Variants in NPIPB2 observed in about 807,000 individuals in gnomAD.
NPIPB2 encodes the protein nuclear pore complex-interacting protein family member B2.
Under a neutral mutation model 30.8 loss-of-function variants are expected in NPIPB2, and 27 were observed. The ratio of observed to expected loss-of-function variants is 0.88; its 90% confidence interval spans 0.65 to 1.21. The LOEUF (loss-of-function observed/expected upper bound fraction) is 1.21, where lower values mean the gene tolerates loss of function less well. Among genes scored for constraint, NPIPB2 ranks in the 50% most tolerant of loss-of-function variants. The pLI is 0.00. For missense variants in NPIPB2, 440 were observed against 446.2 expected (o/e 0.99, Z 0.13); for synonymous variants, 147 against 162.0 (o/e 0.91, Z 0.70).
chr16:11,945,537 G>T (rs547014016), upstream of NPIPB2, among the ~76,000 whole-genome samples: 10 of 152,092 alleles, frequency 6.6e-5, no homozygotes, highest in South Asian at 1.9e-3. Context: ...AATTAGCCAG[G>T]TGTGGTGGTA....
chr16:11,966,441 A>G (rs1417854011), intron 1 of NPIPB2: 4 of 1,245,628 alleles, frequency 3.2e-6, no homozygotes, highest in Non-Finnish European at 4.5e-6. Flanking sequence ...TCACTTCGTT[A>G]CAGCCCTTTC....
chr16:11,973,408 G>A (rs1185706536), intron 1 of NPIPB2, among the ~76,000 whole-genome samples: 1 of 152,064 alleles, frequency 6.6e-6, no homozygotes, highest in African/African-American at 2.4e-5. Context: ...TGGGGGCCAA[G>A]GGGAAAACTT....
chr16:11,947,376 G>A (rs904359266), intron 1 of NPIPB2, among the ~76,000 whole-genome samples: 3 of 147,904 alleles, frequency 2.0e-5, no homozygotes, highest in East Asian at 2.0e-4. Flanking sequence ...ATGGAGTCTC[G>A]CTCTGTCGCC....
chr16:11,932,537 G>A (rs1194253695), intron 4 of NPIPB2, among the ~76,000 whole-genome samples: 1 of 151,574 alleles, frequency 6.6e-6, no homozygotes, highest in Non-Finnish European at 1.5e-5. Flanking sequence ...CAGCACATTG[G>A]GAGGCCGAGG....
rs1555509075 is a variant in NPIPB2 at position 11,947,322 on chromosome 16, T to TTATATA, written c.-583-5214_-583-5209dup. Among the ~76,000 whole-genome samples the TTATATA allele has an allele frequency of 1.2e-3, 147 of 119,944 alleles. 1 individual carries two copies. Among genetic ancestry groups the TTATATA allele is most frequent in the Admixed American group, 1.8e-3 (21 of 11,944 alleles). The allele number at this position is 119,944 out of a possible 152,430, so 78.7% of individuals were successfully genotyped here. On this transcript the variant is annotated intron_variant, in intron 1 of 5. Coordinates refer to the NPIPB2 transcript ENST00000538896. ...TTTATTTATTTATTTATTTATTTAT[T>TTATATA]TATATATATATATATTTATTTATTT...
At chr16:11,956,023 G>C (rs1048059047) in intron 1 of NPIPB2, 5 of 152,082 alleles carry the variant, frequency 3.3e-5, no homozygotes, top group Non-Finnish European at 5.9e-5. Context: ...ACTTATTTTT[G>C]ATTCATTCCA....
chr16:11,947,530 G>C (rs1313324747), intron 1 of NPIPB2, among the ~76,000 whole-genome samples: 1 of 151,388 alleles, frequency 6.6e-6, no homozygotes, highest in East Asian at 1.9e-4. Flanking sequence ...ACTTTTAGTA[G>C]AGACGGGGTT....
chr16:11,960,405 A>T (rs1293040603), intron 1 of NPIPB2, among the ~76,000 whole-genome samples: 1 of 134,026 alleles, frequency 7.5e-6, no homozygotes, highest in Non-Finnish European at 1.5e-5. Context: ...CCCACGCTGG[A>T]GTGTGCAGTG....
At chr16:11,941,182 T>A (rs1189005895) in intron 1 of NPIPB2, 11 of 1,510,592 alleles carry the variant, frequency 7.3e-6, no homozygotes, top group Admixed American at 4.1e-5. Flanking sequence ...GGTGGACTGA[T>A]GGCTGATAAA....
chr16:11,961,935 TAC>T (rs1057495343), intron 1 of NPIPB2, among the ~76,000 whole-genome samples: 1 of 151,218 alleles, frequency 6.6e-6, no homozygotes, highest in Non-Finnish European at 1.5e-5. Flanking sequence ...CACTGTGGCT[TAC>T]ACATGTAATC....
At chr16:11,944,703 C>T (rs1441310476), upstream of NPIPB2, among the ~76,000 whole-genome samples, 8 of 104,894 alleles carry the variant, frequency 7.6e-5, no homozygotes, top group South Asian at 2.4e-3. Flanking sequence ...ATGGAGTTTG[C>T]AGTAAGCAGA....
At chr16:11,942,384 T>C (rs1371356085), upstream of NPIPB2, among the ~76,000 whole-genome samples, 1 of 149,866 alleles carries the variant, frequency 6.7e-6, no homozygotes, top group Non-Finnish European at 1.5e-5. Context: ...TTCAACTCAA[T>C]GATGAGATCA....
intron 1 of NPIPB2, among the ~76,000 whole-genome samples, chr16:11,951,183 G>A (rs182400753): frequency 4.6e-5 from 7 of 152,008 alleles, no homozygotes; most frequent in African/African-American, 1.7e-4. Flanking sequence ...TCGGCCGGGC[G>A]CAGTGGCTCA....
chr16:11,943,870 C>A (rs1020087421), upstream of NPIPB2, among the ~76,000 whole-genome samples: 1 of 149,950 alleles, frequency 6.7e-6, no homozygotes, highest in South Asian at 2.1e-4. Context: ...TGGTGGCGGG[C>A]GCCTGTAATC....
chr16:11,963,631 T>C (rs1024818487), intron 1 of NPIPB2, among the ~76,000 whole-genome samples: 2 of 152,216 alleles, frequency 1.3e-5, no homozygotes, highest in African/African-American at 4.8e-5. Context: ...ACCTCAGAGA[T>C]AATCACTATA....
exon 2 of NPIPB2, chr16:11,937,585 C>T (rs1390706011): frequency 1.3e-5 from 21 of 1,599,348 alleles, no homozygotes; most frequent in East Asian, 2.2e-5. Context: ...TATAACTTCT[C>T]GGAAATGCAA....
intron 1 of NPIPB2, among the ~76,000 whole-genome samples, chr16:11,959,830 G>A (rs1394617825): frequency 6.6e-6 from 1 of 152,040 alleles, no homozygotes; most frequent in African/African-American, 2.4e-5. Context: ...CTGAAGTGCA[G>A]TAGCACACAA....
intron 1 of NPIPB2, among the ~76,000 whole-genome samples, chr16:11,958,837 G>C (rs2150934090): frequency 6.6e-6 from 1 of 152,186 alleles, no homozygotes; most frequent in East Asian, 1.9e-4. Context: ...AGCTACCATG[G>C]GTGAGTGTTA....
chr16:11,973,255 C>T (rs893158186), intron 1 of NPIPB2, among the ~76,000 whole-genome samples: 1 of 151,612 alleles, frequency 6.6e-6, no homozygotes, highest in African/African-American at 2.4e-5. Context: ...CATTTCCCAT[C>T]ATGGCCTGAA....
Sources: gnomAD v4.1 joint callset for allele counts (sites outside exome capture counted in the v4.1 genomes callset) on GRCh38, gnomAD v4.1.1 for gene constraint, MANE v1.5 for transcripts, NCBI Gene and HGNC (gene_info 2026-07-23, HGNC 2026-07-21) for gene names.